Variants in UBL3 observed in about 807,000 individuals in gnomAD.
UBL3 encodes ubiquitin like 3, also known as ubiquitin-like protein 3.
A neutral mutation model predicts 18.4 loss-of-function variants in UBL3; 6 were observed. The observed-to-expected ratio is 0.33, with a 90% confidence interval of 0.18 to 0.64. UBL3 has a LOEUF of 0.64. Ranked by LOEUF, UBL3 falls within the 30% of genes least tolerant of loss-of-function variation. The pLI, the probability that UBL3 is intolerant of heterozygous loss-of-function variation, is 0.76. For synonymous variants in UBL3, 49 were observed against 46.6 expected (o/e 1.05, Z -0.21); for missense variants, 109 against 142.9 (o/e 0.76, Z 1.21).
chr13:29,817,947 C>T (rs1313773752), intron 1 of UBL3, among the ~76,000 whole-genome samples: 1 of 152,150 alleles, frequency 6.6e-6, no homozygotes, highest in African/African-American at 2.4e-5. Flanking sequence ...CTTATACTAG[C>T]CTGAACTGAC....
intron 1 of UBL3, among the ~76,000 whole-genome samples, chr13:29,812,290 C>T (rs1367405931): frequency 6.6e-6 from 1 of 152,000 alleles, no homozygotes; most frequent in Non-Finnish European, 1.5e-5. Flanking sequence ...GCACTTTGGG[C>T]TCTTATTGCT....
intron 1 of UBL3, among the ~76,000 whole-genome samples, chr13:29,803,288 A>G (rs1877817991): frequency 6.6e-6 from 1 of 152,190 alleles, no homozygotes; most frequent in Admixed American, 6.5e-5. Context: ...AAAGAAGACC[A>G]TTACTAGCCA....
chr13:29,798,104 C>T lies in UBL3; in HGVS notation c.28-20841G>A, dbSNP rs149534289. On this transcript the variant is annotated intron_variant, in intron 1 of 4. Coordinates refer to ENST00000380680, the MANE Select transcript of UBL3 (RefSeq NM_007106.4). Reference sequence around the variant, plus strand: ...GCAGTGACACGATCTTGGCTCGCTGCAACCTCTGCCTCTTGAGTTCAAGCG... The same window carrying T: ...GCAGTGACACGATCTTGGCTCGCTGTAACCTCTGCCTCTTGAGTTCAAGCG... Among the ~76,000 whole-genome samples, 634 of 152,010 alleles carry T rather than the reference C, an allele frequency of 4.2e-3. 6 individuals carry two copies. The highest frequency in any genetic ancestry group is 0.014 in the African/African-American group (585 of 41,434).
At chr13:29,791,431 T>C (rs560139718) in intron 1 of UBL3, among the ~76,000 whole-genome samples, 2 of 152,334 alleles carry the variant, frequency 1.3e-5, no homozygotes, top group Non-Finnish European at 2.9e-5. Flanking sequence ...GATGGTAAAC[T>C]GGGACACTAA....
intron 1 of UBL3, among the ~76,000 whole-genome samples, chr13:29,832,596 T>A (rs1045655267): frequency 6.6e-6 from 1 of 152,190 alleles, no homozygotes; most frequent in African/African-American, 2.4e-5. Flanking sequence ...GTATAACAAA[T>A]AATGCTGAGA....
At chr13:29,768,468 G>T (rs1876748843) in intron 3 of UBL3, among the ~76,000 whole-genome samples, 2 of 151,882 alleles carry the variant, frequency 1.3e-5, no homozygotes, top group African/African-American at 4.8e-5. Flanking sequence ...TTTTAGTTCT[G>T]ACACCTCAAA....
Position 29,849,547 on chromosome 13 carries a change from T to C in UBL3, c.-9A>G, listed in dbSNP as rs1879314889. ...GGGACATTACTGGACATCTTGCCGT[T>C]TGATATACACCCAGATGTTTACGAA... On this transcript the variant is annotated 5_prime_UTR_variant, in exon 1 of 5. Transcript: ENST00000380680. 1 of 1,613,964 alleles carries C rather than the reference T, an allele frequency of 6.2e-7. No individual in the cohort carries two copies.
chr13:29,821,206 T>TAA (rs59865349), intron 1 of UBL3, among the ~76,000 whole-genome samples: 2 of 151,982 alleles, frequency 1.3e-5, no homozygotes, highest in African/African-American at 4.8e-5. Context: ...AAAGCTTTGT[T>TAA]AAAAAAAAGA....
At chr13:29,847,823 C>T (rs915771099) in intron 1 of UBL3, among the ~76,000 whole-genome samples, 2 of 152,116 alleles carry the variant, frequency 1.3e-5, no homozygotes, top group Admixed American at 1.3e-4. Flanking sequence ...AGACCGCTCC[C>T]GGCAACTTCA....
intron 1 of UBL3, among the ~76,000 whole-genome samples, chr13:29,798,704 G>C (rs569438591): frequency 2.9e-4 from 44 of 152,272 alleles, no homozygotes; most frequent in African/African-American, 1.0e-3. Context: ...AGTCATACTT[G>C]CAACAGCACA....
intron 1 of UBL3, among the ~76,000 whole-genome samples, chr13:29,808,308 CA>C (rs1175887267): frequency 2.7e-5 from 4 of 150,426 alleles, no homozygotes; most frequent in Non-Finnish European, 4.4e-5. Flanking sequence ...CATATATGAC[CA>C]TTTAATAAAG....
chr13:29,835,541 G>C (rs944425852), intron 1 of UBL3, among the ~76,000 whole-genome samples: 1 of 151,524 alleles, frequency 6.6e-6, no homozygotes, highest in South Asian at 2.1e-4. Flanking sequence ...TGGATCATGA[G>C]GTCAAGAAAT....
intron 1 of UBL3, among the ~76,000 whole-genome samples, chr13:29,822,257 A>G (rs1431140876): frequency 2.0e-5 from 3 of 152,232 alleles, no homozygotes; most frequent in African/African-American, 7.2e-5. Flanking sequence ...TGAAATCTAA[A>G]GATTCTTTTC....
At chr13:29,801,608 A>T (rs955433970) in intron 1 of UBL3, among the ~76,000 whole-genome samples, 3 of 152,052 alleles carry the variant, frequency 2.0e-5, no homozygotes, top group African/African-American at 7.2e-5. Context: ...GCTCTCAGAG[A>T]CAACTGAAAG....
intron 1 of UBL3, among the ~76,000 whole-genome samples, chr13:29,846,842 T>G (rs1459205075): frequency 6.6e-6 from 1 of 152,210 alleles, no homozygotes; most frequent in Non-Finnish European, 1.5e-5. Flanking sequence ...CAGCACATAC[T>G]GTCAACTAGG....
At chr13:29,809,812 T>C (rs1877993003) in intron 1 of UBL3, among the ~76,000 whole-genome samples, 1 of 152,154 alleles carries the variant, frequency 6.6e-6, no homozygotes, top group South Asian at 2.1e-4. Context: ...GTTCCTGATC[T>C]AAAATAACAC....
At chr13:29,767,965 TATC>T (rs1876734165) in intron 3 of UBL3, among the ~76,000 whole-genome samples, 1 of 152,180 alleles carries the variant, frequency 6.6e-6, no homozygotes, top group East Asian at 1.9e-4. Flanking sequence ...AATTGGCTAA[TATC>T]AGAGGCCACC....
intron 1 of UBL3, among the ~76,000 whole-genome samples, chr13:29,805,471 C>T (rs141890944): frequency 0.01 from 1,550 of 152,342 alleles, 25 homozygotes; most frequent in African/African-American, 0.035. Flanking sequence ...GGGATGAAAG[C>T]ATGGGCATCT....
At chr13:29,821,797 A>G (rs533157049) in intron 1 of UBL3, among the ~76,000 whole-genome samples, 44 of 152,312 alleles carry the variant, frequency 2.9e-4, no homozygotes, top group African/African-American at 1.0e-3. Flanking sequence ...TTTCGTACAG[A>G]AATACAAAAT....
Sources: gnomAD v4.1 joint callset for allele counts (sites outside exome capture counted in the v4.1 genomes callset) on GRCh38, gnomAD v4.1.1 for gene constraint, MANE v1.5 for transcripts, NCBI Gene and HGNC (gene_info 2026-07-23, HGNC 2026-07-21) for gene names.